Variants in OTOA observed in about 807,000 individuals in gnomAD.
OTOA encodes cancer/testis antigen 108.
OTOA carries 70 observed loss-of-function variants against 110.8 expected under a neutral mutation model. The ratio of observed to expected loss-of-function variants is 0.63; its 90% CI spans 0.52 to 0.77. OTOA has a LOEUF of 0.77. Among genes scored for constraint, OTOA ranks in the 30% least tolerant of loss-of-function variants. The pLI is 0.00. For missense variants in OTOA, 917 were observed against 1,075.8 expected (o/e 0.85, Z 2.06); for synonymous variants, 373 against 431.5 (o/e 0.86, Z 1.68).
At position 21,760,587 on chromosome 16, in the gene OTOA, A is replaced by G. The variant is rs460598; in HGVS notation, c.*47A>G. ...GTGTTGCCCCAAGCAGCTGGCCAAC[A>G]TGTGTAGAGACAGGATGCTCCAGAT... On this transcript the variant is annotated 3_prime_UTR_variant, in exon 29 of 29. Transcript: ENST00000646100. The G allele has an allele frequency of 0.34, 432,465 of 1,256,296 alleles. 79,234 individuals carry two copies. Among genetic ancestry groups the G allele is most frequent in the East Asian group, 0.41 (16,032 of 39,156 alleles). The allele number at this position is 1,256,296 out of a possible 1,614,324, so 77.8% of individuals were successfully genotyped here. A position where few individuals can be genotyped will look rare whatever the true frequency, so the allele number is the denominator to read the frequency against.
intron 1 of OTOA, among the ~76,000 whole-genome samples, chr16:21,666,479 T>C (rs950591969): frequency 2.0e-5 from 3 of 152,150 alleles, no homozygotes; most frequent in African/African-American, 7.2e-5. Flanking sequence ...GACCAACTCC[T>C]CCGGGTTTGC....
intron 11 of OTOA, among the ~76,000 whole-genome samples, chr16:21,702,249 C>T (rs1898067940): frequency 1.3e-5 from 2 of 152,150 alleles, no homozygotes; most frequent in Non-Finnish European, 2.9e-5. Context: ...TGTGCTGGGC[C>T]ATCATTCAAT....
Position 21,679,042 on chromosome 16 carries a change from A to G in OTOA, c.127A>G (p.Ile43Val), listed in dbSNP as rs1194165198. 4 of 1,614,002 alleles carry G rather than the reference A, an allele frequency of 2.5e-6. No homozygotes were observed. Among genetic ancestry groups the G allele is most frequent in the East Asian group, 2.2e-5 (1 of 44,874 alleles). Reference protein sequence around the residue: ...HPLLQNMAEEIIDGSYLNALL... With the variant: ...HPLLQNMAEEVIDGSYLNALL... ...TTATCTCTTTGCCTTTTAGGAAGAA[A>G]TAATAGATGGAAGCTATCTGAATGG... is the stretch of plus-strand genomic sequence containing the variant. Residue 43 changes from isoleucine to valine, a missense_variant, in exon 4 of 29, where the codon ATA (isoleucine) becomes GTA (valine). Ile to Val is a conservative substitution (Grantham distance 29). Coordinates refer to ENST00000646100, the MANE Select transcript of OTOA (RefSeq NM_144672.4).
Position 21,728,266 on chromosome 16 carries a change from C to G in OTOA, c.2042C>G (p.Thr681Ser), listed in dbSNP as rs377647690. Residue 681 changes from threonine to serine, a missense_variant, in exon 20 of 29, where the codon ACT becomes AGT. Around this residue, in one of 6 missense-constraint regions of OTOA, gnomAD observed 840 missense variants for 910.2 expected, o/e 0.92. Coordinates refer to ENST00000646100, the MANE Select transcript of OTOA (RefSeq NM_144672.4). ...CLDDSIADEY[T>S]VDIMGNLLCH... The stretch of plus-strand genomic sequence containing the variant: ...GACGACTCCATTGCTGATGAGTACA[C>G]TGTGGACATCATGGGGAACCTGCTG... The G allele has an allele frequency of 4.3e-6, 7 of 1,614,090 alleles. No homozygotes were observed. The Admixed American group carries it at 5.0e-5, about 12-fold the overall frequency.
At chr16:21,688,205 T>C (rs1215140384) in intron 8 of OTOA, among the ~76,000 whole-genome samples, 1 of 151,938 alleles carries the variant, frequency 6.6e-6, no homozygotes, top group African/African-American at 2.4e-5. Context: ...CTGGCCAACA[T>C]AATGAAACCA....
chr16:21,689,015 A>G (rs1897776250), intron 8 of OTOA, among the ~76,000 whole-genome samples: 2 of 152,158 alleles, frequency 1.3e-5, no homozygotes, highest in African/African-American at 2.4e-5. Context: ...TCCTTTTGAG[A>G]TGCCATGCCA....
At chr16:21,718,141 A>G (rs968681326) in intron 15 of OTOA, among the ~76,000 whole-genome samples, 2 of 152,104 alleles carry the variant, frequency 1.3e-5, no homozygotes, top group African/African-American at 4.8e-5. Context: ...TATTTTTTAT[A>G]GAGACAGGGT....
intron 17 of OTOA, among the ~76,000 whole-genome samples, chr16:21,720,036 G>C: frequency 6.6e-6 from 1 of 151,124 alleles, no homozygotes; most frequent in East Asian, 1.9e-4. Context: ...GTTCATTGCA[G>C]CCTCAACCTC....
At chr16:21,747,046 G>A (rs1483810744) in intron 24 of OTOA, among the ~76,000 whole-genome samples, 1 of 151,576 alleles carries the variant, frequency 6.6e-6, no homozygotes, top group African/African-American at 2.4e-5. Flanking sequence ...GTACATAGTA[G>A]TCAATAAAAA....
chr16:21,736,976 A>G (rs1269359603), intron 22 of OTOA, among the ~76,000 whole-genome samples: 626 of 151,440 alleles, frequency 4.1e-3, no homozygotes, highest in African/African-American at 0.015. Flanking sequence ...GTGGTTTAAC[A>G]TAGCAGTGAC....
At chr16:21,714,874 T>C in intron 13 of OTOA, 111 bp from the exon 14 acceptor site, 1 of 1,405,042 alleles carries the variant, frequency 7.1e-7, no homozygotes, top group Non-Finnish European at 1.0e-6. Context: ...CTCACTGCTG[T>C]GCCCCTAAGG....
intron 6 of OTOA, chr16:21,684,701 T>C (rs1192572251): frequency 2.3e-6 from 1 of 432,590 alleles, no homozygotes; most frequent in African/African-American, 2.0e-5. Context: ...TTGGAAATCT[T>C]GATCTTGTGA....
At position 21,697,755 on chromosome 16, in the gene OTOA, C is replaced by T. The variant is rs373381965; in HGVS notation, c.740-20C>T. Reference sequence around the variant, plus strand: ...TTATTTATGTATGTACTCATTTATTCATTTCTTTATTTTTTGTAGATGACT... The same window carrying T: ...TTATTTATGTATGTACTCATTTATTTATTTCTTTATTTTTTGTAGATGACT... On this transcript the variant is annotated intron_variant, in intron 9 of 28. Transcript: ENST00000646100. The T allele has an allele frequency of 9.8e-5, 158 of 1,607,864 alleles. No homozygotes were observed. Among genetic ancestry groups the T allele is most frequent in the Non-Finnish European group, 1.2e-4 (144 of 1,174,646 alleles).
chr16:21,687,822 A>G (rs1897750311), intron 8 of OTOA, among the ~76,000 whole-genome samples, 174 bp downstream of exon 8: 1 of 151,320 alleles, frequency 6.6e-6, no homozygotes, highest in African/African-American at 2.4e-5. Context: ...CGCCTACCAC[A>G]CCCGACTAAT....
intron 8 of OTOA, among the ~76,000 whole-genome samples, chr16:21,689,742 A>G (rs767967003): frequency 6.6e-6 from 1 of 151,744 alleles, no homozygotes; most frequent in Non-Finnish European, 1.5e-5. Flanking sequence ...CTGGAGTGCA[A>G]TGGCCCCATC....
rs191118925 is a variant in OTOA, at chr16:21,715,406, A to G, written c.1488+254A>G. On this transcript the variant is annotated intron_variant, in intron 14 of 28. Transcript: ENST00000646100. ...TAATCTGGAAGACTTTTCTTAAATCAGGTTTCCTGATCTTATAACACTTCA... is the reference window on the plus strand; with the variant it reads ...TAATCTGGAAGACTTTTCTTAAATCGGGTTTCCTGATCTTATAACACTTCA... Among the ~76,000 whole-genome samples, 275 of 150,102 alleles carry G rather than the reference A, an allele frequency of 1.8e-3. 1 individual carries two copies. The highest frequency in any genetic ancestry group is 6.6e-3 in the African/African-American group (268 of 40,904).
chr16:21,691,860 C>T (rs1224159984), intron 9 of OTOA, among the ~76,000 whole-genome samples, 173 bp downstream of exon 9: 2 of 152,124 alleles, frequency 1.3e-5, no homozygotes, highest in Admixed American at 1.3e-4. Flanking sequence ...TACTCCATTT[C>T]GTCAATGCAA....
intron 10 of OTOA, among the ~76,000 whole-genome samples, chr16:21,699,031 A>G (rs1336705021): frequency 6.6e-6 from 1 of 151,988 alleles, no homozygotes; most frequent in Non-Finnish European, 1.5e-5. Context: ...GCTCACTGCA[A>G]CCTCCTTCTC....
intron 14 of OTOA, among the ~76,000 whole-genome samples, chr16:21,716,145 C>A (rs541092266): frequency 4.4e-4 from 66 of 150,700 alleles, no homozygotes; most frequent in Middle Eastern, 3.6e-3. Flanking sequence ...AAGTGATCTA[C>A]CTGCCCCGGC....
Sources: gnomAD v4.1 joint callset for allele counts (sites outside exome capture counted in the v4.1 genomes callset) on GRCh38, gnomAD v4.1.1 for gene constraint, gnomAD v4.1.1 regional missense constraint, MANE v1.5 for transcripts, NCBI Gene and HGNC (gene_info 2026-07-23, HGNC 2026-07-21) for gene names.